UVSSA: variants seen among roughly 807,000 people sequenced by gnomAD.
The protein encoded by UVSSA is UV stimulated scaffold protein A.
Under a neutral mutation model 73.9 loss-of-function variants are expected in UVSSA, and 72 were observed. That is an observed-to-expected ratio of 0.97 (90% confidence interval 0.81 to 1.19). The LOEUF (loss-of-function observed/expected upper bound fraction) is 1.19, where lower values mean the gene tolerates loss of function less well. Among genes scored for constraint, UVSSA ranks in the 50% most tolerant of loss-of-function variants. The pLI, the probability that UVSSA is intolerant of heterozygous loss-of-function variation, is 0.00. For synonymous variants in UVSSA, 454 were observed against 391.3 expected (o/e 1.16, Z -1.89); for missense variants, 1,150 against 965.0 (o/e 1.19, Z -2.54).
chr4:1,380,402 C>T (rs1208531552), intron 11 of UVSSA, among the ~76,000 whole-genome samples, 172 bp downstream of exon 11: 2 of 152,232 alleles, frequency 1.3e-5, no homozygotes, highest in Non-Finnish European at 2.9e-5. Flanking sequence ...CGTTGGCCAT[C>T]AGAGCATGGT....
chr4:1,343,240 G>A (rs1378922615), upstream of UVSSA, among the ~76,000 whole-genome samples: 4 of 152,156 alleles, frequency 2.6e-5, no homozygotes, highest in African/African-American at 9.7e-5. Flanking sequence ...CCTTCTCACT[G>A]TGTACCTCTC....
At chr4:1,342,060 T>C (rs373742385), upstream of UVSSA, among the ~76,000 whole-genome samples, 7 of 152,372 alleles carry the variant, frequency 4.6e-5, no homozygotes, top group Non-Finnish European at 8.8e-5. Context: ...AAACCTCTTA[T>C]GAACATTTGT....
At chr4:1,357,926 G>A (rs1716027680) in intron 7 of UVSSA, 2 of 152,490 alleles carry the variant, frequency 1.3e-5, no homozygotes, top group African/African-American at 2.4e-5. Flanking sequence ...ACGGCCGCCT[G>A]AAGGACCCCA....
At chr4:1,344,792 T>G (rs560524620), upstream of UVSSA, among the ~76,000 whole-genome samples, 1 of 152,178 alleles carries the variant, frequency 6.6e-6, no homozygotes, top group South Asian at 2.1e-4. Context: ...ACGGCAGGTT[T>G]AGAAAACGGA....
intron 10 of UVSSA, among the ~76,000 whole-genome samples, chr4:1,379,405 C>G (rs1174013042): frequency 2.6e-5 from 4 of 152,254 alleles, no homozygotes; most frequent in South Asian, 2.1e-4. Flanking sequence ...ACCCAGCCCC[C>G]CCATCCCATG....
downstream of UVSSA, chr4:1,392,495 A>G (rs1447548974): frequency 6.6e-6 from 1 of 152,172 alleles, no homozygotes; most frequent in Non-Finnish European, 1.5e-5. Context: ...GTTTTTGTTT[A>G]TCTGAGAATG....
chr4:1,345,136 T>A (rs560684578), upstream of UVSSA, among the ~76,000 whole-genome samples: 4 of 152,044 alleles, frequency 2.6e-5, no homozygotes, highest in African/African-American at 9.7e-5. Flanking sequence ...GGTACCAGGG[T>A]GCAAGGGAAA....
At chr4:1,355,295 G>T (rs756175006) in intron 7 of UVSSA, 50 bp downstream of exon 7, 36 of 1,536,366 alleles carry the variant, frequency 2.3e-5, no homozygotes, top group Admixed American at 1.7e-4. Flanking sequence ...CCTCAGTGGG[G>T]GAGGAGAAGC....
At chr4:1,391,859 G>A (rs531297489), downstream of UVSSA, 1 of 152,316 alleles carries the variant, frequency 6.6e-6, no homozygotes, top group South Asian at 2.1e-4. Flanking sequence ...CACATAGTGG[G>A]ATCATGTTTT....
upstream of UVSSA, among the ~76,000 whole-genome samples, chr4:1,346,077 A>G (rs1261448549): frequency 6.6e-6 from 1 of 152,156 alleles, no homozygotes; most frequent in Non-Finnish European, 1.5e-5. Flanking sequence ...AGGAGCTGGG[A>G]GCCACTGACG....
chr4:1,388,635 TCTC>T (rs545887942), downstream of UVSSA: 65 of 152,306 alleles, frequency 4.3e-4, no homozygotes, highest in African/African-American at 1.5e-3. Context: ...AAAGTTACCT[TCTC>T]CTCCTAGTTT....
chr4:1,350,012 G>T (rs964642322), intron 3 of UVSSA, among the ~76,000 whole-genome samples, 158 bp downstream of exon 3: 1 of 152,214 alleles, frequency 6.6e-6, no homozygotes, highest in African/African-American at 2.4e-5. Flanking sequence ...TGTGGGGTGT[G>T]GGAAAGAGGG....
At chr4:1,358,209 G>A (rs1421117010) in intron 7 of UVSSA, 1 of 152,604 alleles carries the variant, frequency 6.6e-6, no homozygotes, top group African/African-American at 2.4e-5. Context: ...TGAGATCTGA[G>A]TGGTGGCACT....
At chr4:1,371,740 C>T (rs752185037) in intron 8 of UVSSA, among the ~76,000 whole-genome samples, 58 of 152,224 alleles carry the variant, frequency 3.8e-4, no homozygotes, top group Non-Finnish European at 4.7e-4. Flanking sequence ...GGGGACAGCA[C>T]GGGGAAGACC....
intron 8 of UVSSA, among the ~76,000 whole-genome samples, chr4:1,374,313 TG>T (rs1718485293): frequency 6.6e-6 from 1 of 152,232 alleles, no homozygotes; most frequent in African/African-American, 2.4e-5. Context: ...CTGTGCCTCC[TG>T]CCATCCCGAC....
rs898736286 is a variant in UVSSA, at chr4:1,376,272, G to T, written c.1568+104G>T. 9.8e-6 allele frequency: 14 copies of T among 1,423,192 alleles called. No individual in the cohort carries two copies. In the African/African-American group the frequency reaches 2.0e-4, roughly 21 times the overall value. The allele number at this position is 1,423,192 out of a possible 1,614,324, so 88.2% of individuals were successfully genotyped here. A position where few individuals can be genotyped will look rare whatever the true frequency, so the allele number is the denominator to read the frequency against. ...GGCCTCCCTGGGTCTGAGGAAGCTG[G>T]CCCTGCCTCCCAGCTCTGCCCCACC... On this transcript the variant is annotated intron_variant, in intron 10 of 13. Transcript: ENST00000389851.
exon 14 of UVSSA, chr4:1,394,674 C>G (rs1337235419): frequency 6.3e-6 from 10 of 1,588,318 alleles, no homozygotes; most frequent in Non-Finnish European, 8.6e-6. Context: ...GAGTGCCCGC[C>G]TGCTCACACG....
chr4:1,383,016 G>A (rs1719687096), intron 12 of UVSSA, among the ~76,000 whole-genome samples: 1 of 152,204 alleles, frequency 6.6e-6, no homozygotes, highest in Non-Finnish European at 1.5e-5. Flanking sequence ...CTTGTGTGGG[G>A]AACCCCACAG....
At chr4:1,367,856 C>T (rs1009300649) in intron 8 of UVSSA, among the ~76,000 whole-genome samples, 1 of 140,118 alleles carries the variant, frequency 7.1e-6, no homozygotes, top group African/African-American at 2.8e-5. Flanking sequence ...GTCCCCACCC[C>T]ACACACACTG....
Sources: gnomAD v4.1 joint callset for allele counts (sites outside exome capture counted in the v4.1 genomes callset) on GRCh38, gnomAD v4.1.1 for gene constraint, MANE v1.5 for transcripts, NCBI Gene and HGNC (gene_info 2026-07-23, HGNC 2026-07-21) for gene names.